UFM1: variants seen among roughly 807,000 people sequenced by gnomAD.
UFM1 encodes ubiquitin fold modifier 1, also known as ubiquitin-fold modifier 1.
In UFM1, 9 loss-of-function variants were observed where a neutral mutation model predicts 15.4. The ratio of observed to expected loss-of-function variants is 0.59; its 90% CI spans 0.35 to 1.02. The LOEUF (loss-of-function observed/expected upper bound fraction) is 1.02, where lower values mean the gene tolerates loss of function less well. Ranked by LOEUF, UFM1 falls within the 50% of genes least tolerant of loss-of-function variation. The pLI is 0.02. For synonymous variants in UFM1, 27 were observed against 36.3 expected (o/e 0.74, Z 0.92); for missense variants, 98 against 104.7 (o/e 0.94, Z 0.28).
rs1878723367 is a variant in UFM1, at chr13:38,349,859, A to G, written c.-61A>G. 1.2e-6 allele frequency: 2 copies of G among 1,613,700 alleles called. No homozygotes were observed. Among genetic ancestry groups the G allele is most frequent in the Non-Finnish European group, 1.7e-6 (2 of 1,179,648 alleles). ...GGAGCGGGGCGGTCCCCAGCACACT[A>G]GAGGAAGTCGTGCTACCCCCGCGGA... On this transcript the variant is annotated 5_prime_UTR_variant, in exon 1 of 6. Coordinates refer to ENST00000239878, the MANE Select transcript of UFM1 (RefSeq NM_016617.4).
In UFM1 at chr13:38,358,057, G is replaced by GTGTA. The variant is rs774955331; in HGVS notation, c.118-35_118-34insGTAT. The GTGTA allele has an allele frequency of 6.8e-5, 36 of 527,672 alleles. No individual in the cohort carries two copies. The African/African-American group carries it at 8.9e-4, about 13-fold the overall frequency. The allele number at this position is 527,672 out of a possible 1,614,324, so 32.7% of individuals were successfully genotyped here. A position where few individuals can be genotyped will look rare whatever the true frequency, so the allele number is the denominator to read the frequency against. On this transcript the variant is annotated intron_variant, in intron 3 of 5. Coordinates refer to ENST00000239878, the MANE Select transcript of UFM1 (RefSeq NM_016617.4). The stretch of plus-strand genomic sequence containing the variant: ...TAGTTTTGTGTGTGTGTGTGTGTGT[G>GTGTA]TATATATATATATATTTTTTTTTCC...
At position 38,363,093 on chromosome 13, in the gene UFM1, A is replaced by G. The variant is rs534378941; in HGVS notation, c.*2315A>G. 9 of 152,354 alleles carry G rather than the reference A, an allele frequency of 5.9e-5. No individual in the cohort carries two copies. In the South Asian group the frequency reaches 1.9e-3, roughly 32 times the overall value. 9.4% of individuals were successfully genotyped at this position (152,354 alleles called of 1,614,324 possible). A position where few individuals can be genotyped will look rare whatever the true frequency, so the allele number is the denominator to read the frequency against. On this transcript the variant is annotated 3_prime_UTR_variant, in exon 6 of 6. Coordinates refer to ENST00000239878, the MANE Select transcript of UFM1 (RefSeq NM_016617.4). ...CATGTAGTAAAGAAAAAAAGGGCAA[A>G]GATGATTAATGACCATAAGTCAGAG...
rs1879394953 is a variant in UFM1 at position 38,361,677 on chromosome 13, T to A, written c.*899T>A. 1 of 152,112 alleles carries A rather than the reference T, an allele frequency of 6.6e-6. No homozygotes were observed. The highest frequency in any genetic ancestry group is 2.4e-5 in the African/African-American group (1 of 41,398). The allele number at this position is 152,112 out of a possible 1,614,324, so 9.4% of individuals were successfully genotyped here. Reference sequence around the variant, plus strand: ...GTTATATTTATTGAAAACCCAACTTTTAAGGAAGTGCTAAGATCAGTCACC... The same window carrying A: ...GTTATATTTATTGAAAACCCAACTTATAAGGAAGTGCTAAGATCAGTCACC... On this transcript the variant is annotated 3_prime_UTR_variant, in exon 6 of 6. Transcript: ENST00000239878.
chr13:38,352,980 A>G (rs543068388), intron 2 of UFM1, among the ~76,000 whole-genome samples: 2 of 152,358 alleles, frequency 1.3e-5, no homozygotes, highest in East Asian at 3.8e-4. Context: ...GTAAACTATG[A>G]CATTGCCAGT....
rs372717462 is a variant in UFM1 at position 38,360,744 on chromosome 13, G to A, written c.224G>A (p.Arg75Gln). ...TTTCTAAAACATGGTTCAGAACTGCGGATTATTCCTAGAGATCGTGTTGGA... is the reference window on the plus strand; with the variant it reads ...TTTCTAAAACATGGTTCAGAACTGCAGATTATTCCTAGAGATCGTGTTGGA... ...NVFLKHGSEL[R>Q]IIPRDRVGSC The change falls in exon 6 of 6, where the codon CGG (arginine) becomes CAG (glutamine). Residue 75 changes from arginine to glutamine, a missense_variant. Transcript: ENST00000239878. 1.5e-5 allele frequency: 24 copies of A among 1,608,234 alleles called. No individual in the cohort carries two copies. Among genetic ancestry groups the A allele is most frequent in the African/African-American group, 2.7e-5 (2 of 74,850 alleles).
Position 38,358,060 on chromosome 13 carries a change from T to C in UFM1, c.118-33T>C, listed in dbSNP as rs1373715339. On this transcript the variant is annotated intron_variant, in intron 3 of 5. Transcript: ENST00000239878. ...TTTTGTGTGTGTGTGTGTGTGTGTA[T>C]ATATATATATATTTTTTTTTCCTTC... 5.4e-6 allele frequency: 5 copies of C among 932,084 alleles called. No homozygotes were observed. In the East Asian group the frequency reaches 1.6e-4, roughly 31 times the overall value. The allele number at this position is 932,084 out of a possible 1,614,324, so 57.7% of individuals were successfully genotyped here.
At chr13:38,359,970 G>A (rs1262571838) in intron 5 of UFM1, 1 of 308,734 alleles carries the variant, frequency 3.2e-6, no homozygotes, top group Admixed American at 4.1e-5. Context: ...CCTCATTCTA[G>A]AGCAGTAGTT....
chr13:38,358,711 C>T (rs961655137), intron 4 of UFM1, among the ~76,000 whole-genome samples: 8 of 151,958 alleles, frequency 5.3e-5, no homozygotes, highest in Admixed American at 2.0e-4. Context: ...AGTGCTGATG[C>T]GTTGCCCAAG....
intron 3 of UFM1, 38 bp from the exon 4 acceptor site, chr13:38,358,055 G>GTATA: frequency 1.2e-6 from 1 of 802,810 alleles, no homozygotes; most frequent in African/African-American, 2.2e-5. Context: ...GTGTGTGTGT[G>GTATA]TGTATATATA....
intron 3 of UFM1, chr13:38,354,501 C>T (rs1342251548): frequency 2.5e-6 from 1 of 393,134 alleles, no homozygotes; most frequent in Non-Finnish European, 4.5e-6. Context: ...CTGATTAATG[C>T]AACCATTGAA....
At chr13:38,356,307 G>T (rs893548096) in intron 3 of UFM1, among the ~76,000 whole-genome samples, 8 of 151,816 alleles carry the variant, frequency 5.3e-5, no homozygotes, top group Non-Finnish European at 8.9e-5. Flanking sequence ...TAAAAACTTT[G>T]TAGTACTCTA....
intron 2 of UFM1, among the ~76,000 whole-genome samples, chr13:38,350,842 G>C (rs568199021): frequency 2.6e-5 from 4 of 152,252 alleles, no homozygotes; most frequent in East Asian, 1.9e-4. Flanking sequence ...ACCAATCCAT[G>C]ATCCGTACAA....
At chr13:38,351,828 T>C (rs1395672740) in intron 2 of UFM1, among the ~76,000 whole-genome samples, 2 of 152,176 alleles carry the variant, frequency 1.3e-5, no homozygotes, top group Non-Finnish European at 2.9e-5. Context: ...TTAGTATGTA[T>C]GTGTGCGTGT....
intron 3 of UFM1, 178 bp downstream of exon 3, chr13:38,354,474 TAAAC>T (rs1202977621): frequency 2.3e-6 from 1 of 427,838 alleles, no homozygotes; most frequent in Non-Finnish European, 4.1e-6. Flanking sequence ...AAGCATGAGT[TAAAC>T]AAATTGACAT....
In UFM1 at chr13:38,360,705, G is replaced by T. The variant is rs752876371; in HGVS notation, c.191-6G>T. ...ATCTAACTTTATGTTTTGTTTGTTTGTATAGGAAATGTTTTTCTAAAACAT... is the reference window on the plus strand; with the variant it reads ...ATCTAACTTTATGTTTTGTTTGTTTTTATAGGAAATGTTTTTCTAAAACAT... On this transcript the variant is annotated splice_polypyrimidine_tract_variant and splice_region_variant and intron_variant, in intron 5 of 5. Coordinates refer to ENST00000239878, the MANE Select transcript of UFM1 (RefSeq NM_016617.4). 1.3e-6 allele frequency: 2 copies of T among 1,597,164 alleles called. No homozygotes were observed. Among genetic ancestry groups the T allele is most frequent in the Non-Finnish European group, 1.7e-6 (2 of 1,170,542 alleles).
In UFM1 at chr13:38,362,082, T is replaced by A. The variant is rs145340779; in HGVS notation, c.*1304T>A. ...TCTTGAAAGACGAAATCAAAGCCCATTAATGATTCAGAATCAGTGCTTGAC... is the reference window on the plus strand; with the variant it reads ...TCTTGAAAGACGAAATCAAAGCCCAATAATGATTCAGAATCAGTGCTTGAC... On this transcript the variant is annotated 3_prime_UTR_variant, in exon 6 of 6. Coordinates refer to ENST00000239878, the MANE Select transcript of UFM1 (RefSeq NM_016617.4). 6.6e-6 allele frequency: 1 copy of A among 152,294 alleles called. No individual in the cohort carries two copies. The highest frequency in any genetic ancestry group is 1.9e-4 in the East Asian group (1 of 5,184). The allele number at this position is 152,294 out of a possible 1,614,324, so 9.4% of individuals were successfully genotyped here.
In UFM1 at chr13:38,360,698, T is replaced by G; in HGVS notation, c.191-13T>G. On this transcript the variant is annotated splice_polypyrimidine_tract_variant and intron_variant, in intron 5 of 5. Coordinates refer to ENST00000239878, the MANE Select transcript of UFM1 (RefSeq NM_016617.4). ...TTTAGATATCTAACTTTATGTTTTG[T>G]TTGTTTGTATAGGAAATGTTTTTCT... is the stretch of plus-strand genomic sequence containing the variant. The G allele has an allele frequency of 6.3e-7, 1 of 1,586,362 alleles. No individual in the cohort carries two copies. Among genetic ancestry groups the G allele is most frequent in the Non-Finnish European group, 8.6e-7 (1 of 1,162,396 alleles).
chr13:38,360,025 T>C (rs1187102799), intron 5 of UFM1: 3 of 378,684 alleles, frequency 7.9e-6, no homozygotes, highest in African/African-American at 4.3e-5. Flanking sequence ...GTAACAAAAT[T>C]ATGTTGTTTT....
chr13:38,363,187 G>A lies in UFM1; in HGVS notation c.*2409G>A, dbSNP rs1879502925. On this transcript the variant is annotated 3_prime_UTR_variant, in exon 6 of 6. Transcript: ENST00000239878. Reference sequence around the variant, plus strand: ...TCGTCCAACAACAGACCGCATATATGACCGTGGTCCCATATTACTATATTT... The same window carrying A: ...TCGTCCAACAACAGACCGCATATATAACCGTGGTCCCATATTACTATATTT... 1 of 152,182 alleles carries A rather than the reference G, an allele frequency of 6.6e-6. No individual in the cohort carries two copies. Among genetic ancestry groups the A allele is most frequent in the African/African-American group, 2.4e-5 (1 of 41,434 alleles). 9.4% of individuals were successfully genotyped at this position (152,182 alleles called of 1,614,324 possible).
Sources: gnomAD v4.1 joint callset for allele counts (sites outside exome capture counted in the v4.1 genomes callset) on GRCh38, gnomAD v4.1.1 for gene constraint, MANE v1.5 for transcripts, NCBI Gene and HGNC (gene_info 2026-07-23, HGNC 2026-07-21) for gene names.